Variants in BLTP3B observed in about 807,000 individuals in gnomAD.
The protein encoded by BLTP3B is UHRF1 (ICBP90) binding protein 1-like.
chr12:100,108,208 T>C, the BLTP3B span, among the ~76,000 whole-genome samples: 1 of 152,218 alleles, frequency 6.6e-6, no homozygotes, highest in Non-Finnish European at 1.5e-5. Flanking sequence ...AGTTAATATA[T>C]GCCTTTACAC....
the BLTP3B span, chr12:100,059,764 A>G: frequency 1.5e-6 from 2 of 1,334,220 alleles, no homozygotes; most frequent in Non-Finnish European, 2.1e-6. Flanking sequence ...ACATGAATTA[A>G]TAATCAATGT....
the BLTP3B span, among the ~76,000 whole-genome samples, chr12:100,099,731 GGC>G: frequency 6.8e-6 from 1 of 147,474 alleles, no homozygotes; most frequent in Non-Finnish European, 1.5e-5. Flanking sequence ...TGGGCAACAG[GGC>G]GAGACCTTGT....
chr12:100,051,273 T>C, the BLTP3B span: 3 of 1,534,474 alleles, frequency 2.0e-6, no homozygotes, highest in Non-Finnish European at 2.7e-6. Context: ...TTACACATGA[T>C]CTAACACTGT....
At chr12:100,063,954 G>C in the BLTP3B span, among the ~76,000 whole-genome samples, 2 of 152,060 alleles carry the variant, frequency 1.3e-5, no homozygotes, top group Non-Finnish European at 2.9e-5. Flanking sequence ...TGATTTACTT[G>C]AAAAAGAATT....
the BLTP3B span, among the ~76,000 whole-genome samples, chr12:100,111,839 T>G: frequency 6.6e-6 from 1 of 152,000 alleles, no homozygotes; most frequent in Non-Finnish European, 1.5e-5. Flanking sequence ...CTCCCGACCT[T>G]GTGATCCATC....
chr12:100,090,240 T>G, the BLTP3B span, among the ~76,000 whole-genome samples: 1 of 152,202 alleles, frequency 6.6e-6, no homozygotes, highest in South Asian at 2.1e-4. Context: ...TCCTTTGAAC[T>G]TGAATAACTA....
At chr12:100,072,029 G>A in the BLTP3B span, among the ~76,000 whole-genome samples, 1 of 152,206 alleles carries the variant, frequency 6.6e-6, no homozygotes, top group Non-Finnish European at 1.5e-5. Context: ...GGGAGTCCAA[G>A]GTGGGCAGAT....
chr12:100,128,838 C>G, the BLTP3B span: 11 of 851,310 alleles, frequency 1.3e-5, no homozygotes, highest in African/African-American at 1.8e-5. Flanking sequence ...AAAAAAAAAA[C>G]AGTTGCATTT....
chr12:100,098,249 G>C, the BLTP3B span: 7 of 1,297,396 alleles, frequency 5.4e-6, no homozygotes, highest in African/African-American at 7.5e-5. Flanking sequence ...GTAATACAGA[G>C]AAAAGCAAAG....
chr12:100,120,339 C>T, the BLTP3B span, among the ~76,000 whole-genome samples: 1 of 151,958 alleles, frequency 6.6e-6, no homozygotes, highest in African/African-American at 2.4e-5. Flanking sequence ...CACCACTGCA[C>T]TCCAACCTGG....
the BLTP3B span, among the ~76,000 whole-genome samples, chr12:100,048,498 A>C: frequency 6.6e-6 from 1 of 152,180 alleles, no homozygotes; most frequent in East Asian, 1.9e-4. Flanking sequence ...TTGTGTACCT[A>C]ACTATACATT....
At chr12:100,135,028 T>C in the BLTP3B span, among the ~76,000 whole-genome samples, 7 of 152,214 alleles carry the variant, frequency 4.6e-5, no homozygotes, top group African/African-American at 1.7e-4. Context: ...GAGTGATCCT[T>C]GGCTCAAGGC....
chr12:100,089,122 A>G, the BLTP3B span: 5 of 1,441,842 alleles, frequency 3.5e-6, no homozygotes, highest in African/African-American at 7.3e-5. Context: ...CTGCCTTATC[A>G]CTGCCAATTT....
At chr12:100,042,682 CCACCCCAACCTT>C in the BLTP3B span, among the ~76,000 whole-genome samples, 1 of 152,196 alleles carries the variant, frequency 6.6e-6, no homozygotes, top group Non-Finnish European at 1.5e-5. Context: ...ATTGCCATAG[CCACCCCAACCTT>C]CAACAACCAT....
At chr12:100,107,508 G>A in the BLTP3B span, among the ~76,000 whole-genome samples, 2 of 151,368 alleles carry the variant, frequency 1.3e-5, no homozygotes, top group African/African-American at 4.9e-5. Context: ...GGTGGCACGT[G>A]CCTGAAATCC....
the BLTP3B span, chr12:100,098,304 T>C: frequency 1.4e-5 from 21 of 1,518,782 alleles, no homozygotes; most frequent in Non-Finnish European, 1.9e-5. Flanking sequence ...CGTCCTCTTT[T>C]ACTTGTCACT....
chr12:100,047,081 G>A, the BLTP3B span, among the ~76,000 whole-genome samples: 1 of 152,156 alleles, frequency 6.6e-6, no homozygotes, highest in East Asian at 1.9e-4. Context: ...ACAATGTACT[G>A]AAGGTGTCCC....
chr12:100,039,571 G>T, the BLTP3B span: 1 of 1,580,664 alleles, frequency 6.3e-7, no homozygotes, highest in Non-Finnish European at 8.6e-7. Flanking sequence ...TGCTGAAGCT[G>T]AATCTGAATT....
chr12:100,048,003 T>G, the BLTP3B span: 1 of 1,602,796 alleles, frequency 6.2e-7, no homozygotes, highest in Non-Finnish European at 8.5e-7. Flanking sequence ...TTGCAACAGT[T>G]TCATCTTCCA....
Sources: allele counts gnomAD v4.1 joint callset (sites outside exome capture counted in the v4.1 genomes callset), GRCh38; gene constraint gnomAD v4.1.1; transcripts MANE v1.5; gene names NCBI Gene and HGNC (gene_info 2026-07-23, HGNC 2026-07-21).